CPE: variants seen among roughly 807,000 people sequenced by gnomAD.
CPE encodes carboxypeptidase E.
CPE carries 17 observed loss-of-function variants against 53.5 expected under a neutral mutation model. That is an observed-to-expected ratio of 0.32 (90% confidence interval 0.22 to 0.48). The LOEUF (loss-of-function observed/expected upper bound fraction) is 0.48, where lower values mean the gene tolerates loss of function less well. CPE is among the 20% of genes least tolerant of loss of function. The probability of loss-of-function intolerance (pLI) is 0.99; values close to 1 mark genes in which losing one functional copy is unlikely to be tolerated. For synonymous variants in CPE, 226 were observed against 228.8 expected (o/e 0.99, Z 0.11); for missense variants, 524 against 614.7 (o/e 0.85, Z 1.56).
intron 1 of CPE, among the ~76,000 whole-genome samples, chr4:165,418,755 G>T (rs902879988): frequency 1.3e-5 from 2 of 152,134 alleles, no homozygotes; most frequent in Non-Finnish European, 2.9e-5. Context: ...CTAACTGAAG[G>T]AATGTACTAA....
At chr4:165,441,202 T>A (rs147188223) in intron 1 of CPE, among the ~76,000 whole-genome samples, 49 of 152,240 alleles carry the variant, frequency 3.2e-4, no homozygotes, top group African/African-American at 1.1e-3. Flanking sequence ...CTCTCAAGAA[T>A]CTTGATTTGA....
At chr4:165,402,748 C>T (rs1040283538) in intron 1 of CPE, among the ~76,000 whole-genome samples, 6 of 152,050 alleles carry the variant, frequency 3.9e-5, no homozygotes, top group African/African-American at 7.2e-5. Context: ...ACTCAGTCTC[C>T]GGTATTTCTT....
In CPE at chr4:165,393,714, G is replaced by T. The variant is rs149750437; in HGVS notation, c.307+14186G>T. On this transcript the variant is annotated intron_variant, in intron 1 of 8. Transcript: ENST00000402744. ...TCATGAGCTGTTTATGTGAACTGAA[G>T]TCTGTGAGGGCATTACTGGAATGTA... Among the ~76,000 whole-genome samples, 715 of 152,292 alleles carry T rather than the reference G, an allele frequency of 4.7e-3. 9 individuals are homozygous for T. Among genetic ancestry groups the T allele is most frequent in the African/African-American group, 0.017 (697 of 41,566 alleles).
chr4:165,457,468 G>A (rs1464787218), intron 1 of CPE, among the ~76,000 whole-genome samples: 1 of 152,194 alleles, frequency 6.6e-6, no homozygotes, highest in Non-Finnish European at 1.5e-5. Context: ...TTATAAACTT[G>A]TGAAGCTGGA....
At position 165,493,381 on chromosome 4, in the gene CPE, C is replaced by T. The variant is rs563000918; in HGVS notation, c.1213+111C>T. On this transcript the variant is annotated intron_variant, in intron 7 of 8. Coordinates refer to ENST00000402744, the MANE Select transcript of CPE (RefSeq NM_001873.4). ...TAAGCAAAACAAATAGCTCGTATCTCTACAGCGTTTCTCAGCTTTGATCTG... is the reference window on the plus strand; with the variant it reads ...TAAGCAAAACAAATAGCTCGTATCTTTACAGCGTTTCTCAGCTTTGATCTG... 2.6e-4 allele frequency: 190 copies of T among 744,576 alleles called. 1 individual carries two copies. The African/African-American group carries it at 2.9e-3, about 11-fold the overall frequency. The allele number at this position is 744,576 out of a possible 1,614,324, so 46.1% of individuals were successfully genotyped here.
intron 3 of CPE, among the ~76,000 whole-genome samples, chr4:165,469,174 T>A (rs1379478733): frequency 6.6e-6 from 1 of 152,194 alleles, no homozygotes; most frequent in Non-Finnish European, 1.5e-5. Flanking sequence ...AAACATTTGG[T>A]GCATCTTTGA....
intron 1 of CPE, among the ~76,000 whole-genome samples, chr4:165,438,429 C>G (rs1002724146): frequency 6.6e-6 from 1 of 152,060 alleles, no homozygotes; most frequent in Admixed American, 6.6e-5. Context: ...GTAGGGGAAA[C>G]AATTGGTCAT....
chr4:165,386,484 A>G, intron 1 of CPE: 1 of 349,026 alleles, frequency 2.9e-6, no homozygotes. Context: ...CATGCATATT[A>G]GCATGCCAGT....
At chr4:165,426,722 CA>C (rs1405976479) in intron 1 of CPE, among the ~76,000 whole-genome samples, 3 of 152,142 alleles carry the variant, frequency 2.0e-5, no homozygotes, top group Non-Finnish European at 4.4e-5. Context: ...CAGAAAAGTA[CA>C]AATAATTTGA....
At chr4:165,487,994 G>T (rs1235354941) in intron 6 of CPE, among the ~76,000 whole-genome samples, 1 of 152,082 alleles carries the variant, frequency 6.6e-6, no homozygotes, top group East Asian at 1.9e-4. Flanking sequence ...ACTTGAGAGT[G>T]AGTGTCTCTT....
chr4:165,435,882 C>T (rs537007217), intron 1 of CPE, among the ~76,000 whole-genome samples: 1 of 152,266 alleles, frequency 6.6e-6, no homozygotes, highest in South Asian at 2.1e-4. Context: ...CAGTGGCCAC[C>T]TTCTGGCTAA....
intron 5 of CPE, among the ~76,000 whole-genome samples, chr4:165,485,755 C>T (rs574563081): frequency 2.6e-5 from 4 of 152,156 alleles, no homozygotes; most frequent in Admixed American, 6.5e-5. Context: ...TGTTAGTTAA[C>T]GATTACGTCT....
chr4:165,494,705 T>G (rs1302410454), intron 7 of CPE, among the ~76,000 whole-genome samples: 1 of 152,056 alleles, frequency 6.6e-6, no homozygotes, highest in Non-Finnish European at 1.5e-5. Context: ...TTCCAGAAAT[T>G]TTGCTATAAA....
intron 1 of CPE, among the ~76,000 whole-genome samples, chr4:165,392,368 T>TA (rs1730697227): frequency 6.8e-6 from 1 of 146,442 alleles, no homozygotes; most frequent in Admixed American, 7.0e-5. Context: ...ATATATCATA[T>TA]ATTTACAATA....
chr4:165,486,976 C>T (rs1732515745), intron 5 of CPE, among the ~76,000 whole-genome samples: 1 of 152,136 alleles, frequency 6.6e-6, no homozygotes, highest in Non-Finnish European at 1.5e-5. Flanking sequence ...TGCCAAGACT[C>T]CCAATCCCTC....
chr4:165,392,374 C>T (rs1419615990), intron 1 of CPE, among the ~76,000 whole-genome samples: 1 of 143,990 alleles, frequency 6.9e-6, no homozygotes, highest in Non-Finnish European at 1.5e-5. Flanking sequence ...CATATATTTA[C>T]AATATATGTA....
intron 1 of CPE, among the ~76,000 whole-genome samples, chr4:165,427,208 CTG>C (rs1731335665): frequency 6.6e-6 from 1 of 152,136 alleles, no homozygotes; most frequent in African/African-American, 2.4e-5. Context: ...GCAAAATTAT[CTG>C]TGCCTGCAGC....
intron 4 of CPE, 68 bp from the exon 5 acceptor site, chr4:165,484,354 T>G: frequency 7.0e-7 from 1 of 1,429,962 alleles, no homozygotes; most frequent in Non-Finnish European, 9.7e-7. Flanking sequence ...ACTGAATCAC[T>G]CTTTAGAAAA....
chr4:165,422,013 T>C (rs1292325867), intron 1 of CPE, among the ~76,000 whole-genome samples: 3 of 152,212 alleles, frequency 2.0e-5, no homozygotes, highest in Admixed American at 1.3e-4. Context: ...CTAAATACTC[T>C]CCTTGAGGAT....
Sources: allele counts gnomAD v4.1 joint callset (sites outside exome capture counted in the v4.1 genomes callset), GRCh38; gene constraint gnomAD v4.1.1; transcripts MANE v1.5; gene names NCBI Gene and HGNC (gene_info 2026-07-23, HGNC 2026-07-21).